The following PRMT7 variants were observed in gnomAD, a reference collection of about 807,000 sequenced individuals.
PRMT7 encodes protein arginine N-methyltransferase 7.
A neutral mutation model predicts 85.4 loss-of-function variants in PRMT7; 75 were observed. The observed-to-expected ratio is 0.88, with a 90% confidence interval of 0.73 to 1.06. The LOEUF is 1.06. Ranked by LOEUF, PRMT7 falls within the 50% of genes least tolerant of loss-of-function variation. The pLI is 0.00. For missense variants in PRMT7, 868 were observed against 915.2 expected (o/e 0.95, Z 0.67); for synonymous variants, 397 against 359.5 (o/e 1.10, Z -1.18).
At chr16:68,359,290 C>T (rs1191386067), downstream of PRMT7, 1 of 152,548 alleles carries the variant, frequency 6.6e-6, no homozygotes, top group Admixed American at 6.5e-5. Context: ...CATCATGAAT[C>T]CCAGTCAAGG....
chr16:68,311,660 G>A (rs2043733085), intron 1 of PRMT7: 1 of 152,270 alleles, frequency 6.6e-6, no homozygotes, highest in South Asian at 2.1e-4. Flanking sequence ...TTCTGCAAAA[G>A]TGCTTCGGTC....
At chr16:68,334,096 C>T (rs911914502) in intron 6 of PRMT7, among the ~76,000 whole-genome samples, 1 of 152,124 alleles carries the variant, frequency 6.6e-6, no homozygotes, top group East Asian at 1.9e-4. Flanking sequence ...TTCTTCATAG[C>T]GCTTACCACT....
At position 68,348,408 on chromosome 16, in the gene PRMT7, A is replaced by C. The variant is rs1455751888; in HGVS notation, c.1390A>C (p.Asn464His). 6.2e-7 allele frequency: 1 copy of C among 1,612,400 alleles called. No individual in the cohort carries two copies. The highest frequency in any genetic ancestry group is 1.7e-5 in the Admixed American group (1 of 60,016). ...IIEKRPELLTNEDLQGRKVSL... is the reference protein window; with the variant it reads ...IIEKRPELLTHEDLQGRKVSL... ...AGAGAAACGGCCGGAATTATTAACA[A>C]ATGAGGACCTACAGGGCAGAAAGGT... The change falls in exon 14 of 19, where the codon AAT becomes CAT. Residue 464 changes from asparagine to histidine, a missense_variant. Transcript: ENST00000441236.
chr16:68,331,523 A>G (rs2083905137), intron 6 of PRMT7, among the ~76,000 whole-genome samples: 1 of 146,738 alleles, frequency 6.8e-6, no homozygotes, highest in East Asian at 2.0e-4. Context: ...GCTGGAGTGC[A>G]GGGGTGTGAG....
At chr16:68,325,732 AG>A (rs1567657223) in intron 5 of PRMT7, among the ~76,000 whole-genome samples, 1 of 152,106 alleles carries the variant, frequency 6.6e-6, no homozygotes, top group Non-Finnish European at 1.5e-5. Flanking sequence ...CAGAGGTTAC[AG>A]TGAGCCGAGA....
chr16:68,311,132 C>G (rs956118670), intron 1 of PRMT7, 33 bp downstream of exon 1: 14 of 677,710 alleles, frequency 2.1e-5, no homozygotes, highest in African/African-American at 1.2e-4. Flanking sequence ...AAGGTGGGGT[C>G]GCTTTGGGGT....
rs376207396 is a variant in PRMT7 at position 68,342,520 on chromosome 16, C to T, written c.927+2552C>T. On this transcript the variant is annotated intron_variant, in intron 9 of 18. Transcript: ENST00000441236. Reference sequence around the variant, plus strand: ...TCAGGCACCATCCTTTGTCCATGGTCCAGCCTGCCTGGCCTTAACCCCTGG... The same window carrying T: ...TCAGGCACCATCCTTTGTCCATGGTTCAGCCTGCCTGGCCTTAACCCCTGG... Among the ~76,000 whole-genome samples the T allele has an allele frequency of 1.1e-3, 163 of 152,304 alleles. 4 individuals carry two copies. The South Asian group carries it at 0.032, about 30-fold the overall frequency.
At chr16:68,326,479 CAG>C (rs1455628888) in intron 5 of PRMT7, among the ~76,000 whole-genome samples, 1 of 152,186 alleles carries the variant, frequency 6.6e-6, no homozygotes, top group Admixed American at 6.5e-5. Context: ...TTCCTGATCT[CAG>C]GGGATCCCCC....
At chr16:68,321,298 A>G (rs897085394) in intron 3 of PRMT7, 128 bp from the exon 4 acceptor site, 3 of 701,590 alleles carry the variant, frequency 4.3e-6, no homozygotes, top group Non-Finnish European at 6.8e-6. Flanking sequence ...AAGATAAAAG[A>G]CAACCAAAAA....
intron 6 of PRMT7, among the ~76,000 whole-genome samples, chr16:68,333,180 T>C (rs1229528263): frequency 4.6e-5 from 7 of 152,030 alleles, no homozygotes; most frequent in African/African-American, 1.7e-4. Flanking sequence ...TTTTTAAATT[T>C]TTATTAGAAA....
At chr16:68,312,229 A>ATATATTTTTTT (rs1419393129) in intron 2 of PRMT7, 53 bp downstream of exon 2, 2 of 112,694 alleles carry the variant, frequency 1.8e-5, no homozygotes, top group African/African-American at 7.4e-5. Context: ...ATATATATAT[A>ATATATTTTTTT]TTTTTTTTTT....
At chr16:68,354,838 C>CT (rs1173640667) in intron 16 of PRMT7, 1 of 152,550 alleles carries the variant, frequency 6.6e-6, no homozygotes, top group Non-Finnish European at 1.5e-5. Context: ...ATTTTTACTT[C>CT]TATGCTTTCC....
chr16:68,334,080 A>ATACTTTTCTTCTTT (rs1352762862), intron 6 of PRMT7, among the ~76,000 whole-genome samples: 11 of 152,164 alleles, frequency 7.2e-5, no homozygotes, highest in Admixed American at 5.9e-4. Flanking sequence ...CAATTTCGTA[A>ATACTTTTCTTCTTT]TACTTTTCTT....
At chr16:68,358,877 G>C (rs2089026072), downstream of PRMT7, 2 of 152,548 alleles carry the variant, frequency 1.3e-5, no homozygotes, top group African/African-American at 4.8e-5. Flanking sequence ...CAAGGCCCGG[G>C]AGTCCATAGG....
At chr16:68,347,402 T>G (rs1375794596) in intron 12 of PRMT7, 108 bp downstream of exon 12, 2 of 1,213,452 alleles carry the variant, frequency 1.6e-6, no homozygotes, top group Non-Finnish European at 2.3e-6. Context: ...AAGGCCACTG[T>G]TGTGGGCACA....
At chr16:68,319,426 G>C (rs1418698214) in intron 3 of PRMT7, among the ~76,000 whole-genome samples, 1 of 152,104 alleles carries the variant, frequency 6.6e-6, no homozygotes, top group Non-Finnish European at 1.5e-5. Context: ...GTGAGCTGGT[G>C]GTGGTTACCG....
At chr16:68,345,554 C>A in intron 9 of PRMT7, 121 bp from the exon 10 acceptor site, 1 of 1,406,834 alleles carries the variant, frequency 7.1e-7, no homozygotes, top group Non-Finnish European at 9.7e-7. Context: ...GCCACAATAG[C>A]CAGCTGTAGT....
Position 68,355,730 on chromosome 16 carries a change from T to C in PRMT7, c.1658T>C (p.Leu553Pro), listed in dbSNP as rs1373450521. 6.3e-7 allele frequency: 1 copy of C among 1,598,620 alleles called. No individual in the cohort carries two copies. The highest frequency in any genetic ancestry group is 8.5e-7 in the Non-Finnish European group (1 of 1,170,802). The change falls in exon 17 of 19, where the codon CTG (leucine) becomes CCG (proline). Residue 553 changes from leucine (L) to proline (P), a missense_variant. Transcript: ENST00000441236. ...HIMDDMIKRA[L>P]DFRESREAEP... ...GCCCCCTTCTGTTCGCAGCGTGCCC[T>C]GGACTTCAGGGAGAGCAGGGAAGCT...
At chr16:68,311,451 G>T in intron 1 of PRMT7, 1 of 211,950 alleles carries the variant, frequency 4.7e-6, no homozygotes, top group East Asian at 1.7e-4. Context: ...ACTGTTCTGA[G>T]TAATTGGAGA....
Sources: gnomAD v4.1 joint callset for allele counts (sites outside exome capture counted in the v4.1 genomes callset) on GRCh38, gnomAD v4.1.1 for gene constraint, MANE v1.5 for transcripts, NCBI Gene and HGNC (gene_info 2026-07-23, HGNC 2026-07-21) for gene names.